Variants in CAB39 observed in about 807,000 individuals in gnomAD.
CAB39 encodes calcium binding protein 39.
A neutral mutation model predicts 40.0 loss-of-function variants in CAB39; 8 were observed. The ratio of observed to expected loss-of-function variants is 0.20; its 90% confidence interval spans 0.12 to 0.36. CAB39 has a LOEUF of 0.36. CAB39 is among the 10% of genes least tolerant of loss of function. CAB39 has a pLI of 1.00. For missense variants in CAB39, 270 were observed against 401.1 expected (o/e 0.67, Z 2.79); for synonymous variants, 156 against 141.6 (o/e 1.10, Z -0.72).
intron 1 of CAB39, among the ~76,000 whole-genome samples, chr2:230,758,821 T>C (rs1201628511): frequency 6.6e-6 from 1 of 152,212 alleles, no homozygotes; most frequent in South Asian, 2.1e-4. Flanking sequence ...ATAAGGTTTT[T>C]CTAAAAAGTG....
At chr2:230,743,800 A>C (rs973246341) in intron 1 of CAB39, among the ~76,000 whole-genome samples, 1 of 152,096 alleles carries the variant, frequency 6.6e-6, no homozygotes, top group African/African-American at 2.4e-5. Flanking sequence ...AACAAATATT[A>C]ATATAAAGAA....
chr2:230,787,398 G>A (rs1021098723), intron 2 of CAB39, among the ~76,000 whole-genome samples: 13 of 152,304 alleles, frequency 8.5e-5, no homozygotes, highest in Admixed American at 7.8e-4. Context: ...GTATGTGAGA[G>A]CGTTTAGCTA....
chr2:230,800,931 G>A (rs1696078936), intron 5 of CAB39, among the ~76,000 whole-genome samples: 1 of 152,066 alleles, frequency 6.6e-6, no homozygotes, highest in Non-Finnish European at 1.5e-5. Context: ...GGATCGCTAT[G>A]GGTAAAGCAG....
rs1160253213 is a variant in CAB39 at position 230,813,978 on chromosome 2, C to CTTTTTTTTTTT, written c.628-47_628-37dup. The CTTTTTTTTTTT allele has an allele frequency of 7.7e-4, 87 of 113,122 alleles. 10 individuals are homozygous for CTTTTTTTTTTT. Among genetic ancestry groups the CTTTTTTTTTTT allele is most frequent in the African/African-American group, 1.5e-3 (12 of 8,048 alleles). The allele number at this position is 113,122 out of a possible 1,614,324, so 7.0% of individuals were successfully genotyped here. ...CTAATTTACAATGTTACCTACCAGTCTTTTTTTTTTTTTTTTTTTTTTTTT... is the reference window on the plus strand; with the variant it reads ...CTAATTTACAATGTTACCTACCAGTCTTTTTTTTTTTTTTTTTTTTTTTTTTTTTTTTTTTT... On this transcript the variant is annotated intron_variant, in intron 6 of 8. Coordinates refer to ENST00000258418, the MANE Select transcript of CAB39 (RefSeq NM_016289.4).
intron 7 of CAB39, 23 bp downstream of exon 7, chr2:230,814,137 G>C (rs754035810): frequency 1.6e-6 from 2 of 1,213,432 alleles, no homozygotes; most frequent in Non-Finnish European, 2.4e-6. Flanking sequence ...ATTTTGTATA[G>C]CTTATTTCTC....
intron 2 of CAB39, among the ~76,000 whole-genome samples, chr2:230,784,837 G>A (rs182122640): frequency 2.6e-5 from 4 of 152,306 alleles, no homozygotes; most frequent in Admixed American, 6.5e-5. Flanking sequence ...AGAGCACACC[G>A]AACAAAGGAG....
intron 6 of CAB39, among the ~76,000 whole-genome samples, chr2:230,812,822 T>C (rs1415982792): frequency 6.6e-6 from 1 of 152,234 alleles, no homozygotes; most frequent in African/African-American, 2.4e-5. Flanking sequence ...TTGACTCTCC[T>C]GTCTGTTGTT....
intron 1 of CAB39, among the ~76,000 whole-genome samples, chr2:230,744,389 G>C (rs2124895044): frequency 6.6e-6 from 1 of 152,300 alleles, no homozygotes; most frequent in Non-Finnish European, 1.5e-5. Context: ...CACCTCCCAG[G>C]TTCAAGCAGT....
At chr2:230,729,371 T>C (rs1010463591) in intron 1 of CAB39, among the ~76,000 whole-genome samples, 3 of 152,230 alleles carry the variant, frequency 2.0e-5, no homozygotes, top group Admixed American at 6.5e-5. Flanking sequence ...ACTTAACTAT[T>C]GGAAACTGGT....
chr2:230,776,940 G>A lies in CAB39; in HGVS notation c.115-13932G>A, dbSNP rs112902325. On this transcript the variant is annotated intron_variant, in intron 2 of 8. Coordinates refer to ENST00000258418, the MANE Select transcript of CAB39 (RefSeq NM_016289.4). ...CTGACCTCATGATCCGCCCGCCTCA[G>A]CCTCTTAAAGTGCTGAGATTACAGG... Among the ~76,000 whole-genome samples, 735 of 152,260 alleles carry A rather than the reference G, an allele frequency of 4.8e-3. 5 individuals carry two copies. Among genetic ancestry groups the A allele is most frequent in the African/African-American group, 0.017 (689 of 41,544 alleles).
chr2:230,783,964 A>T (rs1041172346), intron 2 of CAB39, among the ~76,000 whole-genome samples: 4 of 152,252 alleles, frequency 2.6e-5, no homozygotes, highest in Non-Finnish European at 5.9e-5. Context: ...GCAATGTCTT[A>T]GTCATATTTA....
At chr2:230,760,887 G>A (rs904839819) in intron 2 of CAB39, among the ~76,000 whole-genome samples, 3 of 152,084 alleles carry the variant, frequency 2.0e-5, no homozygotes, top group Non-Finnish European at 4.4e-5. Flanking sequence ...TGTGATTTTA[G>A]CAGTAGCCTT....
At chr2:230,789,070 T>G (rs1695846604) in intron 2 of CAB39, among the ~76,000 whole-genome samples, 2 of 152,200 alleles carry the variant, frequency 1.3e-5, no homozygotes, top group African/African-American at 2.4e-5. Flanking sequence ...GAGATGTCCC[T>G]TTTTCCCCCC....
intron 3 of CAB39, among the ~76,000 whole-genome samples, chr2:230,791,778 A>G (rs994698958): frequency 1.3e-5 from 2 of 152,232 alleles, no homozygotes; most frequent in Admixed American, 1.3e-4. Flanking sequence ...GAGTTAATAC[A>G]GTTGGATCAT....
At chr2:230,724,410 G>T (rs140816770) in intron 1 of CAB39, among the ~76,000 whole-genome samples, 2 of 152,042 alleles carry the variant, frequency 1.3e-5, no homozygotes, top group African/African-American at 2.4e-5. Flanking sequence ...GGCCGGGCAC[G>T]GTGGCTCGCC....
chr2:230,781,772 G>C (rs1695690951), intron 2 of CAB39, among the ~76,000 whole-genome samples: 1 of 152,246 alleles, frequency 6.6e-6, no homozygotes, highest in Non-Finnish European at 1.5e-5. Context: ...CTGCAGGCCA[G>C]AGGTGGGGCC....
intron 1 of CAB39, among the ~76,000 whole-genome samples, chr2:230,720,646 T>TC (rs1163313446): frequency 6.6e-6 from 1 of 152,196 alleles, no homozygotes; most frequent in Admixed American, 6.5e-5. Flanking sequence ...GGTCTTGAAC[T>TC]CCTGACCTTG....
chr2:230,814,192 C>A, intron 7 of CAB39, 78 bp downstream of exon 7: 1 of 735,996 alleles, frequency 1.4e-6, no homozygotes, highest in South Asian at 1.8e-5. Flanking sequence ...GGGAGATGTG[C>A]AGGATGGGTC....
intron 1 of CAB39, among the ~76,000 whole-genome samples, chr2:230,749,576 G>A (rs1276356958): frequency 6.6e-5 from 10 of 152,086 alleles, no homozygotes; most frequent in Admixed American, 6.5e-4. Flanking sequence ...ATAAAGATGG[G>A]ATTATATGTA....
Sources: allele counts gnomAD v4.1 joint callset (sites outside exome capture counted in the v4.1 genomes callset), GRCh38; gene constraint gnomAD v4.1.1; transcripts MANE v1.5; gene names NCBI Gene and HGNC (gene_info 2026-07-23, HGNC 2026-07-21).